CC2D2B: variants seen among roughly 807,000 people sequenced by gnomAD.
CC2D2B encodes protein CC2D2B.
Under a neutral mutation model 161.2 loss-of-function variants are expected in CC2D2B, and 128 were observed. The ratio of observed to expected loss-of-function variants is 0.79; its 90% confidence interval spans 0.69 to 0.92. The LOEUF is 0.92. CC2D2B is among the 40% of genes least tolerant of loss of function. The probability of loss-of-function intolerance (pLI) is 0.00; values close to 1 mark genes in which losing one functional copy is unlikely to be tolerated. For missense variants in CC2D2B, 1,173 were observed against 1,375.1 expected, an observed-to-expected ratio of 0.85 and a Z score of 2.32; for synonymous variants, 391 against 449.8, an observed-to-expected ratio of 0.87 and a Z score of 1.65.
chr10:96,029,290 A>ATATATG (rs2079955260), intron 34 of CC2D2B, among the ~76,000 whole-genome samples: 2 of 92,046 alleles, frequency 2.2e-5, no homozygotes, highest in African/African-American at 3.9e-5. Flanking sequence ...ATATATGTAT[A>ATATATG]TATATATATA....
At chr10:95,983,361 A>G (rs1176364288) in intron 18 of CC2D2B, among the ~76,000 whole-genome samples, 1 of 152,222 alleles carries the variant, frequency 6.6e-6, no homozygotes, top group Non-Finnish European at 1.5e-5. Flanking sequence ...TGTACAATAC[A>G]AAATTCAGTG....
chr10:95,955,161 T>C (rs955979290), intron 10 of CC2D2B, among the ~76,000 whole-genome samples: 2 of 152,114 alleles, frequency 1.3e-5, no homozygotes, highest in Admixed American at 6.6e-5. Context: ...ATGTTCAAGA[T>C]ACTAGATGTT....
chr10:95,981,457 C>T (rs2077527909), intron 17 of CC2D2B, among the ~76,000 whole-genome samples: 1 of 149,676 alleles, frequency 6.7e-6, no homozygotes. Context: ...TCCTCTGGCA[C>T]ATACTTACCC....
intron 9 of CC2D2B, among the ~76,000 whole-genome samples, chr10:95,946,064 G>T (rs918161049): frequency 6.6e-6 from 1 of 152,120 alleles, no homozygotes; most frequent in African/African-American, 2.4e-5. Context: ...GATTACAGGC[G>T]TGAGCCACCA....
At chr10:95,998,882 G>A (rs2078341453) in intron 24 of CC2D2B, among the ~76,000 whole-genome samples, 1 of 152,074 alleles carries the variant, frequency 6.6e-6, no homozygotes, top group African/African-American at 2.4e-5. Flanking sequence ...TTGGGAGGTC[G>A]AGGCGGGTGG....
chr10:95,957,294 C>A (rs1420329372), intron 11 of CC2D2B, among the ~76,000 whole-genome samples: 1 of 152,176 alleles, frequency 6.6e-6, no homozygotes, highest in East Asian at 1.9e-4. Context: ...CCCATTGTTG[C>A]AAGCCCCTCT....
rs565297825 is a variant in CC2D2B, at chr10:95,940,994, T to C, written c.801+2069T>C. On this transcript the variant is annotated intron_variant, in intron 9 of 34. Transcript: ENST00000646931. Reference sequence around the variant, plus strand: ...AGGATGGTACTGGCATAAAGACAGATATATGGACCAATGGAACAGAATGAA... The same window carrying C: ...AGGATGGTACTGGCATAAAGACAGACATATGGACCAATGGAACAGAATGAA... Among the ~76,000 whole-genome samples, 384 of 152,236 alleles carry C rather than the reference T, an allele frequency of 2.5e-3. 2 individuals carry two copies. The highest frequency in any genetic ancestry group is 4.0e-3 in the Non-Finnish European group (269 of 67,986).
intron 11 of CC2D2B, among the ~76,000 whole-genome samples, chr10:95,959,899 T>C (rs1408977191): frequency 6.6e-6 from 1 of 152,176 alleles, no homozygotes; most frequent in African/African-American, 2.4e-5. Context: ...ACCTCTAAAT[T>C]TGAAGCAATA....
chr10:96,019,466 A>G (rs2079359807), intron 31 of CC2D2B, 129 bp downstream of exon 31: 6 of 928,036 alleles, frequency 6.5e-6, no homozygotes, highest in African/African-American at 5.0e-5. Context: ...GGCCGGGGCA[A>G]TCTTTTATCA....
At chr10:96,013,701 A>G in intron 28 of CC2D2B, 87 bp from the exon 29 acceptor site, 1 of 691,584 alleles carries the variant, frequency 1.4e-6, no homozygotes, top group Non-Finnish European at 2.5e-6. Context: ...GGCTTAGATT[A>G]TATGCTAAAT....
Position 95,938,913 on chromosome 10 carries a change from C to T in CC2D2B, c.789C>T (p.Thr263=), listed in dbSNP as rs1564600948. ...AACCTTTAAATCCATTACTTAAGAC[C>T]ATATACAGGAAGGTAACCAACAACA... The part of the protein sequence containing the change: ...RKEPLNPLLK[T]IYRKAVKYDL... Residue 263 remains threonine (T), a synonymous_variant, in exon 9 of 35, where the codon ACC becomes ACT. Coordinates refer to ENST00000646931, the MANE Select transcript of CC2D2B (RefSeq NM_001349008.3). 4.4e-6 allele frequency: 3 copies of T among 686,766 alleles called. No individual in the cohort carries two copies. Among genetic ancestry groups the T allele is most frequent in the Non-Finnish European group, 8.0e-6 (3 of 376,484 alleles). The allele number at this position is 686,766 out of a possible 1,614,324, so 42.5% of individuals were successfully genotyped here.
intron 1 of CC2D2B, among the ~76,000 whole-genome samples, chr10:95,910,734 T>C (rs2098504881): frequency 6.6e-6 from 1 of 152,234 alleles, no homozygotes; most frequent in Non-Finnish European, 1.5e-5. Context: ...TATTTAATCA[T>C]TGCCTCTTGG....
rs58200004 is a variant in CC2D2B at position 96,025,146 on chromosome 10, T to TAAAA, written c.3947+241_3947+244dup. ...CAACATAGGGAGACGTCATCTCTAC[T>TAAAA]AAAAAAAAATATATATATATATATA... On this transcript the variant is annotated intron_variant, in intron 33 of 34. Transcript: ENST00000646931. Among the ~76,000 whole-genome samples, 228 of 29,742 alleles carry TAAAA rather than the reference T, an allele frequency of 7.7e-3. 9 individuals are homozygous for TAAAA. The highest frequency in any genetic ancestry group is 0.023 in the East Asian group (13 of 556). The allele number at this position is 29,742 out of a possible 152,430, so 19.5% of individuals were successfully genotyped here.
At chr10:95,955,844 T>C (rs1008007498) in intron 11 of CC2D2B, among the ~76,000 whole-genome samples, 6 of 152,190 alleles carry the variant, frequency 3.9e-5, no homozygotes, top group African/African-American at 1.4e-4. Context: ...TATTTCAGTC[T>C]AAAGACAATA....
intron 17 of CC2D2B, among the ~76,000 whole-genome samples, chr10:95,975,401 C>G (rs10509697): frequency 0.21 from 31,488 of 151,760 alleles, 3,503 homozygotes; most frequent in Middle Eastern, 0.28. Flanking sequence ...TTGGTATGGA[C>G]GAAACTGACA....
intron 32 of CC2D2B, 115 bp downstream of exon 32, chr10:96,019,939 CA>C: frequency 1.0e-6 from 1 of 980,332 alleles, no homozygotes; most frequent in Non-Finnish European, 1.5e-6. Context: ...AAATATTTGG[CA>C]ATATTAATTT....
rs1371132058 is a variant in CC2D2B at position 96,027,504 on chromosome 10, G to A, written c.4125+115G>A. 4.4e-6 allele frequency: 3 copies of A among 683,826 alleles called. No individual in the cohort carries two copies. In the African/African-American group the frequency reaches 5.5e-5, roughly 13 times the overall value. The allele number at this position is 683,826 out of a possible 1,614,324, so 42.4% of individuals were successfully genotyped here. On this transcript the variant is annotated intron_variant, in intron 34 of 34. Transcript: ENST00000646931. ...CCTTTTATCTTGATCCTTAAAGATAGATGCTATAGCATTAAAATACACTTA... is the reference window on the plus strand; with the variant it reads ...CCTTTTATCTTGATCCTTAAAGATAAATGCTATAGCATTAAAATACACTTA...
intron 29 of CC2D2B, 27 bp from the exon 30 acceptor site, chr10:96,016,173 TG>T: frequency 6.7e-7 from 1 of 1,502,296 alleles, no homozygotes. Flanking sequence ...TTTCTTTTTT[TG>T]TTCCTATTGC....
intron 6 of CC2D2B, among the ~76,000 whole-genome samples, chr10:95,934,446 A>C (rs113693384): frequency 0.014 from 2,102 of 149,972 alleles, 26 homozygotes; most frequent in Middle Eastern, 0.037. Flanking sequence ...TGAAAAAAAA[A>C]AAACAAACAA....
Sources: allele counts gnomAD v4.1 joint callset (sites outside exome capture counted in the v4.1 genomes callset), GRCh38; gene constraint gnomAD v4.1.1; transcripts MANE v1.5; gene names NCBI Gene and HGNC (gene_info 2026-07-23, HGNC 2026-07-21).